Variants in ITCH observed in about 807,000 individuals in gnomAD.
ITCH encodes the protein E3 ubiquitin-protein ligase Itchy homolog.
A neutral mutation model predicts 126.8 loss-of-function variants in ITCH; 28 were observed. The ratio of observed to expected loss-of-function variants is 0.22; its 90% confidence interval spans 0.16 to 0.30. The LOEUF (loss-of-function observed/expected upper bound fraction) is 0.30. Among genes scored for constraint, ITCH ranks in the 10% least tolerant of loss-of-function variants. The pLI, the probability that ITCH is intolerant of heterozygous loss-of-function variation, is 1.00. For missense variants in ITCH, 631 were observed against 1,032.4 expected, an observed-to-expected ratio of 0.61 and a Z score of 5.33; for synonymous variants, 342 against 340.0, an observed-to-expected ratio of 1.01 and a Z score of -0.06.
chr20:34,453,385 G>C (rs1489054447), intron 12 of ITCH, among the ~76,000 whole-genome samples: 2 of 152,186 alleles, frequency 1.3e-5, no homozygotes, highest in Non-Finnish European at 2.9e-5. Context: ...GCCAAGGCTT[G>C]TGTCCAGGAG....
intron 2 of ITCH, among the ~76,000 whole-genome samples, chr20:34,390,639 G>A (rs570479600): frequency 1.3e-5 from 2 of 151,976 alleles, no homozygotes; most frequent in South Asian, 2.1e-4. Flanking sequence ...TAGTAGAGAC[G>A]AGGTTTCACT....
chr20:34,475,983 G>A lies in ITCH; in HGVS notation c.1570-1789G>A, dbSNP rs111408736. On this transcript the variant is annotated intron_variant, in intron 16 of 24. Transcript: ENST00000374864. ...GCATCAGCCACTGTTTCAGGCACTC[G>A]AACAGTCATATTGTCCATAGATTTT... is the stretch of plus-strand genomic sequence containing the variant. 391 of 1,601,776 alleles carry A rather than the reference G, an allele frequency of 2.4e-4. 4 individuals carry two copies. In the African/African-American group the frequency reaches 3.3e-3, roughly 13 times the overall value.
chr20:34,476,361 C>T, intron 16 of ITCH: 2 of 1,342,930 alleles, frequency 1.5e-6, no homozygotes, highest in Non-Finnish European at 2.0e-6. Context: ...CCCGGCTCCT[C>T]AGCAGGCCGC....
rs1989352071 is a variant in ITCH at position 34,489,297 on chromosome 20, G to A, written c.2125G>A (p.Val709Ile). ...AGCTGAGTGGAGGTTGTCTCGAGGT[G>A]TTGAAGAACAGACACAAGCTTTCTT... ...MVAEWRLSRG[V>I]EEQTQAFFEG... Residue 709 changes from valine (V) to isoleucine (I), a missense_variant, in exon 21 of 25, where the codon GTT becomes ATT. By Grantham distance (29) the Val-to-Ile change is conservative (BLOSUM62 3). Coordinates refer to ENST00000374864, the MANE Select transcript of ITCH (RefSeq NM_031483.7). The A allele has an allele frequency of 6.2e-7, 1 of 1,613,652 alleles. No individual in the cohort carries two copies. The highest frequency in any genetic ancestry group is 8.5e-7 in the Non-Finnish European group (1 of 1,179,686).
At chr20:34,404,084 G>T (rs1342321390) in intron 3 of ITCH, among the ~76,000 whole-genome samples, 2 of 152,128 alleles carry the variant, frequency 1.3e-5, no homozygotes, top group Admixed American at 1.3e-4. Context: ...AATTCTGGTG[G>T]CTGTGAGGGG....
intron 15 of ITCH, among the ~76,000 whole-genome samples, chr20:34,470,673 G>T (rs1201503648): frequency 6.6e-6 from 1 of 152,074 alleles, no homozygotes; most frequent in African/African-American, 2.4e-5. Flanking sequence ...GCTTACTGCA[G>T]CCTTGACCTC....
At chr20:34,435,426 C>T (rs773445451) in intron 7 of ITCH, among the ~76,000 whole-genome samples, 3 of 152,174 alleles carry the variant, frequency 2.0e-5, no homozygotes, top group Non-Finnish European at 4.4e-5. Flanking sequence ...ACCTTGGCCT[C>T]CTTAAGTGCT....
At chr20:34,407,242 C>A (rs2146139408) in intron 3 of ITCH, among the ~76,000 whole-genome samples, 1 of 152,160 alleles carries the variant, frequency 6.6e-6, no homozygotes, top group Non-Finnish European at 1.5e-5. Flanking sequence ...GGCTTTCCAA[C>A]ACACAGAATA....
chr20:34,380,947 C>T (rs1316505902), intron 2 of ITCH, among the ~76,000 whole-genome samples: 1 of 151,754 alleles, frequency 6.6e-6, no homozygotes, highest in Non-Finnish European at 1.5e-5. Context: ...GTCACTGCAC[C>T]TGGGTAATTT....
intron 15 of ITCH, among the ~76,000 whole-genome samples, chr20:34,470,914 A>G (rs961967117): frequency 6.6e-6 from 1 of 152,252 alleles, no homozygotes; most frequent in Non-Finnish European, 1.5e-5. Context: ...ATCGTTTGAT[A>G]TAACTGACTT....
chr20:34,472,276 A>G (rs6088508), intron 16 of ITCH, among the ~76,000 whole-genome samples: 67,773 of 150,518 alleles, frequency 0.45, 15,752 homozygotes, highest in Middle Eastern at 0.5. Context: ...GCTACTCAGG[A>G]GAGTCACCTG....
chr20:34,423,249 A>T (rs1224122667), intron 6 of ITCH, among the ~76,000 whole-genome samples: 3 of 152,114 alleles, frequency 2.0e-5, no homozygotes, highest in African/African-American at 7.2e-5. Flanking sequence ...GTTCTCTTTT[A>T]TTACCAAATA....
chr20:34,502,245 T>C (rs1234384027), intron 23 of ITCH, among the ~76,000 whole-genome samples: 1 of 152,092 alleles, frequency 6.6e-6, no homozygotes, highest in Non-Finnish European at 1.5e-5. Flanking sequence ...CTGCTAGGTA[T>C]GGTGGGCACA....
rs1334962733 is a variant in ITCH at position 34,413,773 on chromosome 20, A to T, written c.369A>T (p.Gly123=). Residue 123 remains glycine, a synonymous_variant, in exon 6 of 25, where the codon GGA becomes GGT. Coordinates refer to ENST00000374864, the MANE Select transcript of ITCH (RefSeq NM_031483.7). The part of the protein sequence containing the change: ...LEEVVVTLQL[G]GDKEPTETIG... ...AAGTAGTTGTGACTTTGCAGCTTGG[A>T]GGTGACAAAGAGCCAACAGAGACAA... is the stretch of plus-strand genomic sequence containing the variant. The T allele has an allele frequency of 1.9e-6, 3 of 1,612,166 alleles. No individual in the cohort carries two copies. The highest frequency in any genetic ancestry group is 2.7e-5 in the African/African-American group (2 of 74,888).
intron 7 of ITCH, among the ~76,000 whole-genome samples, chr20:34,425,341 G>T (rs1168190089): frequency 6.6e-6 from 1 of 152,144 alleles, no homozygotes; most frequent in Non-Finnish European, 1.5e-5. Context: ...ATTGTCCAAG[G>T]TTTCCCCCCA....
Position 34,449,397 on chromosome 20 carries a change from T to G in ITCH, c.1141-14T>G. 6.4e-7 allele frequency: 1 copy of G among 1,564,590 alleles called. No homozygotes were observed. Among genetic ancestry groups the G allele is most frequent in the Non-Finnish European group, 8.8e-7 (1 of 1,136,132 alleles). On this transcript the variant is annotated splice_polypyrimidine_tract_variant and intron_variant, in intron 11 of 24. Coordinates refer to ENST00000374864, the MANE Select transcript of ITCH (RefSeq NM_031483.7). The stretch of plus-strand genomic sequence containing the variant: ...AAGTTGTTAATAGTTTCATCACTTT[T>G]TGGTTCTTTTTAGAATCAAGATTTA...
chr20:34,438,741 C>A, intron 8 of ITCH, 110 bp downstream of exon 8: 1 of 1,366,176 alleles, frequency 7.3e-7, no homozygotes, highest in Non-Finnish European at 1.0e-6. Context: ...TGTATTTTTA[C>A]ATTTAAGATT....
chr20:34,417,130 C>CT (rs1337858688), intron 6 of ITCH: 3 of 672,046 alleles, frequency 4.5e-6, no homozygotes, highest in African/African-American at 1.8e-5. Context: ...GGGTTTCGCT[C>CT]TGTTTGCCCA....
At chr20:34,375,401 T>G (rs968561758) in intron 2 of ITCH, among the ~76,000 whole-genome samples, 2 of 151,358 alleles carry the variant, frequency 1.3e-5, no homozygotes, top group Admixed American at 6.6e-5. Flanking sequence ...TATATGTTAT[T>G]TAGCTCGATT....
Sources: allele counts gnomAD v4.1 joint callset (sites outside exome capture counted in the v4.1 genomes callset), GRCh38; gene constraint gnomAD v4.1.1; transcripts MANE v1.5; gene names NCBI Gene and HGNC (gene_info 2026-07-23, HGNC 2026-07-21).